Variants in PTN observed in about 807,000 individuals in gnomAD.
PTN encodes pleiotrophin.
In PTN, 18 loss-of-function variants were observed where a neutral mutation model predicts 24.1. That is an observed-to-expected ratio of 0.75 (90% CI 0.52 to 1.11). The LOEUF (loss-of-function observed/expected upper bound fraction) is 1.11. Ranked by LOEUF, PTN falls within the 50% of genes least tolerant of loss-of-function variation. The pLI is 0.00. For missense variants in PTN, 163 were observed against 198.8 expected, an observed-to-expected ratio of 0.82 and a Z score of 1.08; for synonymous variants, 78 against 68.6, an observed-to-expected ratio of 1.14 and a Z score of -0.67.
At chr7:137,306,259 A>G (rs371736281) in intron 1 of PTN, among the ~76,000 whole-genome samples, 2 of 152,076 alleles carry the variant, frequency 1.3e-5, no homozygotes. Flanking sequence ...TTATTATGAA[A>G]TTGATGGGCT....
chr7:137,271,532 T>C (rs1809275144), intron 1 of PTN, among the ~76,000 whole-genome samples: 7 of 152,154 alleles, frequency 4.6e-5, no homozygotes, highest in Admixed American at 4.6e-4. Context: ...ATACACTGGG[T>C]TTTCTCTTTA....
chr7:137,267,654 G>C (rs1809180531), intron 1 of PTN, among the ~76,000 whole-genome samples: 1 of 151,992 alleles, frequency 6.6e-6, no homozygotes, highest in African/African-American at 2.4e-5. Flanking sequence ...AGTGGGGTGG[G>C]CTTAGTTTGT....
At chr7:137,234,131 C>T (rs1488798275) in intron 4 of PTN, among the ~76,000 whole-genome samples, 5 of 151,668 alleles carry the variant, frequency 3.3e-5, no homozygotes, top group Non-Finnish European at 7.4e-5. Flanking sequence ...GCTAAAAATT[C>T]AATTGTATCT....
At chr7:137,265,086 G>T (rs1809117062) in intron 1 of PTN, among the ~76,000 whole-genome samples, 1 of 151,722 alleles carries the variant, frequency 6.6e-6, no homozygotes, top group South Asian at 2.1e-4. Context: ...GCTTGCTGCT[G>T]TTGGTTGTAA....
chr7:137,250,827 T>C (rs969032536), intron 4 of PTN, among the ~76,000 whole-genome samples: 2 of 152,230 alleles, frequency 1.3e-5, no homozygotes, highest in Non-Finnish European at 2.9e-5. Context: ...CCTGATTTTG[T>C]GAAAACTATA....
At chr7:137,309,229 A>G (rs1361764707) in intron 1 of PTN, among the ~76,000 whole-genome samples, 1 of 152,238 alleles carries the variant, frequency 6.6e-6, no homozygotes, top group Non-Finnish European at 1.5e-5. Flanking sequence ...ACTACACTGT[A>G]GCCTATTAAG....
At chr7:137,302,714 C>T (rs1809825738) in intron 1 of PTN, among the ~76,000 whole-genome samples, 1 of 151,954 alleles carries the variant, frequency 6.6e-6, no homozygotes, top group Non-Finnish European at 1.5e-5. Context: ...CCATCTTATA[C>T]TTACCTGCTG....
At chr7:137,315,908 A>C (rs1160603414) in intron 1 of PTN, among the ~76,000 whole-genome samples, 1 of 152,122 alleles carries the variant, frequency 6.6e-6, no homozygotes, top group Non-Finnish European at 1.5e-5. Context: ...ATATTGAAAA[A>C]AATGCACCCT....
chr7:137,317,710 C>A (rs940495967), intron 1 of PTN, among the ~76,000 whole-genome samples: 6 of 152,138 alleles, frequency 3.9e-5, no homozygotes, highest in African/African-American at 1.4e-4. Flanking sequence ...ATATGTGGGG[C>A]ATTCAATACT....
Position 137,253,535 on chromosome 7 carries a change from C to G in PTN, c.218G>C (p.Gly73Ala). The change falls in exon 3 of 5, where the codon GGA becomes GCA. Residue 73 changes from glycine to alanine, a missense_variant. Coordinates refer to ENST00000348225, the MANE Select transcript of PTN (RefSeq NM_002825.7). Reference protein sequence around the residue: ...GLGTREGTRTGAECKQTMKTQ... With the variant: ...GLGTREGTRTAAECKQTMKTQ... ...CTTCATGGTTTGCTTGCACTCAGCT[C>G]CAGTCCGAGTGCCCTCCCGTGTGCC... 4 of 1,612,614 alleles carry G rather than the reference C, an allele frequency of 2.5e-6. 1 individual carries two copies. The South Asian group carries it at 3.3e-5, about 13-fold the overall frequency.
intron 1 of PTN, among the ~76,000 whole-genome samples, chr7:137,276,000 C>T (rs1216793986): frequency 6.6e-6 from 1 of 152,194 alleles, no homozygotes; most frequent in East Asian, 1.9e-4. Flanking sequence ...TTCAAATTCA[C>T]TGCCATACAA....
intron 1 of PTN, among the ~76,000 whole-genome samples, chr7:137,318,340 T>G (rs1810107384): frequency 6.6e-6 from 1 of 152,146 alleles, no homozygotes. Flanking sequence ...GAACCAGGTA[T>G]TTCAACACTT....
At chr7:137,332,800 A>T (rs1451524485) in intron 1 of PTN, among the ~76,000 whole-genome samples, 2 of 152,194 alleles carry the variant, frequency 1.3e-5, no homozygotes, top group African/African-American at 4.8e-5. Context: ...TGATGTTCAT[A>T]AGCTCACAAA....
rs6964580 is a variant in PTN at position 137,248,713 on chromosome 7, T to C, written c.451+2517A>G. Among the ~76,000 whole-genome samples the C allele has an allele frequency of 2.4e-3, 358 of 152,138 alleles. 1 individual carries two copies. Among genetic ancestry groups the C allele is most frequent in the African/African-American group, 8.3e-3 (345 of 41,484 alleles). On this transcript the variant is annotated intron_variant, in intron 4 of 4. Coordinates refer to ENST00000348225, the MANE Select transcript of PTN (RefSeq NM_002825.7). ...AAAAGAAATCATTCTTTTTGCAGAG[T>C]GTCTCAGTGCCAAACAGCATTTATA...
intron 1 of PTN, chr7:137,318,534 G>A (rs1169478874): frequency 1.3e-5 from 2 of 152,126 alleles, no homozygotes; most frequent in East Asian, 3.8e-4. Flanking sequence ...TAAATGGTAG[G>A]CTCTAAGTTT....
chr7:137,272,274 C>T (rs1309664154), intron 1 of PTN, among the ~76,000 whole-genome samples: 4 of 152,184 alleles, frequency 2.6e-5, no homozygotes, highest in Non-Finnish European at 4.4e-5. Context: ...CTCCTGCACC[C>T]GATCTATCTA....
chr7:137,306,541 A>C (rs939922460), intron 1 of PTN, among the ~76,000 whole-genome samples: 2 of 152,074 alleles, frequency 1.3e-5, no homozygotes, highest in African/African-American at 4.8e-5. Flanking sequence ...AATAAATGAG[A>C]TCTTCTGCAA....
At chr7:137,254,539 C>A (rs1235615769) in intron 2 of PTN, among the ~76,000 whole-genome samples, 1 of 109,814 alleles carries the variant, frequency 9.1e-6, no homozygotes, top group Non-Finnish European at 1.7e-5. Flanking sequence ...AGTTGCAGTG[C>A]ATTTTTTTTT....
chr7:137,277,288 T>TG (rs1809376834), intron 1 of PTN, among the ~76,000 whole-genome samples: 1 of 152,200 alleles, frequency 6.6e-6, no homozygotes, highest in South Asian at 2.1e-4. Context: ...GGCAAAAATG[T>TG]GGAACTTTAA....
Sources: allele counts gnomAD v4.1 joint callset (sites outside exome capture counted in the v4.1 genomes callset), GRCh38; gene constraint gnomAD v4.1.1; transcripts MANE v1.5; gene names NCBI Gene and HGNC (gene_info 2026-07-23, HGNC 2026-07-21).